HS6ST2: variants seen among roughly 807,000 people sequenced by gnomAD.
HS6ST2 encodes the protein heparan-sulfate 6-O-sulfotransferase 2.
HS6ST2 carries 17 observed loss-of-function variants against 33.0 expected under a neutral mutation model. The ratio of observed to expected loss-of-function variants is 0.52; its 90% CI spans 0.35 to 0.77. The LOEUF is 0.77. Among genes scored for constraint, HS6ST2 ranks in the 30% least tolerant of loss-of-function variants. HS6ST2 has a pLI of 0.01. For synonymous variants in HS6ST2, 248 were observed against 237.1 expected (o/e 1.05, Z -0.42); for missense variants, 519 against 551.7 (o/e 0.94, Z 0.59).
intron 2 of HS6ST2, among the ~76,000 whole-genome samples, chrX:132,854,211 C>T (rs1311215683): frequency 8.9e-6 from 1 of 112,291 alleles, no homozygotes; most frequent in Non-Finnish European, 1.9e-5. Flanking sequence ...AGACTGCCAT[C>T]TTCATGATCC....
rs192345002 is a variant in HS6ST2, at chrX:132,753,151, C to A, written c.948-44657G>T. Among the ~76,000 whole-genome samples, 7 of 111,905 alleles carry A rather than the reference C, an allele frequency of 6.3e-5. No homozygotes were observed. The East Asian group carries it at 2.0e-3, about 32-fold the overall frequency. On this transcript the variant is annotated intron_variant, in intron 2 of 4. Coordinates refer to ENST00000370833, the MANE Select transcript of HS6ST2 (RefSeq NM_001394073.1). ...CTATACTCTGTTTCTGTGGCTTAGG[C>A]TTCCAACCACTGCCTCTTCTCTTCA...
At chrX:132,645,031 G>A (rs1351299334) in intron 4 of HS6ST2, among the ~76,000 whole-genome samples, 2 of 111,377 alleles carry the variant, frequency 1.8e-5, no homozygotes, top group African/African-American at 3.3e-5. Context: ...GGGAGACCTC[G>A]GCCCTCCAAG....
At chrX:132,739,566 T>C (rs2064546606) in intron 2 of HS6ST2, among the ~76,000 whole-genome samples, 1 of 109,576 alleles carries the variant, frequency 9.1e-6, no homozygotes, top group African/African-American at 3.3e-5. Flanking sequence ...AATACAAAAA[T>C]TAGTCAGGTG....
chrX:132,641,471 T>C (rs917895125), intron 4 of HS6ST2, among the ~76,000 whole-genome samples: 3 of 112,657 alleles, frequency 2.7e-5, no homozygotes, highest in African/African-American at 9.7e-5. Context: ...GTTCCTGCAT[T>C]AATTCGCTTA....
At chrX:132,727,343 T>C (rs2064404715) in intron 2 of HS6ST2, among the ~76,000 whole-genome samples, 1 of 110,822 alleles carries the variant, frequency 9.0e-6, no homozygotes, top group South Asian at 3.9e-4. Flanking sequence ...GCTTAGGCGC[T>C]TGGAATTCAA....
At chrX:132,787,157 A>G (rs1481974650) in intron 2 of HS6ST2, among the ~76,000 whole-genome samples, 1 of 59,638 alleles carries the variant, frequency 1.7e-5, no homozygotes, top group Non-Finnish European at 3.0e-5. Context: ...GTGTGTGTGT[A>G]TATATATATG....
intron 2 of HS6ST2, among the ~76,000 whole-genome samples, chrX:132,811,685 A>ATATATATATAT (rs2065345840): frequency 6.7e-5 from 2 of 29,814 alleles, no homozygotes; most frequent in East Asian, 1.5e-3. Context: ...AAGGCTGAAT[A>ATATATATATAT]ATATATATAT....
At chrX:132,763,274 A>T (rs183103856) in intron 2 of HS6ST2, among the ~76,000 whole-genome samples, 1 of 112,454 alleles carries the variant, frequency 8.9e-6, no homozygotes, top group African/African-American at 3.2e-5. Flanking sequence ...TGTAGTGTCT[A>T]TCTATTTCCC....
chrX:132,646,649 G>C (rs145515090), intron 4 of HS6ST2, among the ~76,000 whole-genome samples: 8 of 111,275 alleles, frequency 7.2e-5, no homozygotes, highest in African/African-American at 2.6e-4. Flanking sequence ...CATCTAGTTG[G>C]AACACCGTGC....
intron 3 of HS6ST2, among the ~76,000 whole-genome samples, chrX:132,705,218 C>T (rs868641799): frequency 3.4e-5 from 3 of 88,467 alleles, no homozygotes; most frequent in Non-Finnish European, 4.6e-5. Flanking sequence ...TGTGTGTGTA[C>T]GTGTGGAAAA....
chrX:132,723,063 A>G (rs964161962), intron 2 of HS6ST2, among the ~76,000 whole-genome samples: 50 of 111,606 alleles, frequency 4.5e-4, no homozygotes, highest in African/African-American at 1.6e-3. Context: ...ATGCCAAAAA[A>G]TTGGAAAATC....
At chrX:132,948,667 G>C (rs2066979223) in intron 2 of HS6ST2, among the ~76,000 whole-genome samples, 1 of 112,182 alleles carries the variant, frequency 8.9e-6, no homozygotes, top group Middle Eastern at 4.2e-3. Flanking sequence ...TAGTAAATGA[G>C]AAAAGCTCTT....
rs186573124 is a variant in HS6ST2, at chrX:132,907,781, G to A, written c.947+49027C>T. On this transcript the variant is annotated intron_variant, in intron 2 of 4. Transcript: ENST00000370833. ...CATATTCAAAAATTAACTTGAAATC[G>A]ATCGGAGACAGAAATGTAAGAGCTA... Among the ~76,000 whole-genome samples the A allele has an allele frequency of 4.5e-5, 5 of 112,343 alleles. No homozygotes were observed. The East Asian group carries it at 1.4e-3, about 31-fold the overall frequency.
chrX:132,726,791 C>T (rs1326164919), intron 2 of HS6ST2, among the ~76,000 whole-genome samples: 2 of 111,695 alleles, frequency 1.8e-5, no homozygotes, highest in Non-Finnish European at 3.8e-5. Flanking sequence ...TTTTTTTTCA[C>T]TCACATAATG....
chrX:132,667,226 C>G (rs1162173913), intron 4 of HS6ST2, among the ~76,000 whole-genome samples: 1 of 111,520 alleles, frequency 9.0e-6, no homozygotes, highest in Non-Finnish European at 1.9e-5. Context: ...TGCAAGAAAC[C>G]CTGGCACACA....
intron 2 of HS6ST2, among the ~76,000 whole-genome samples, chrX:132,731,808 C>T (rs911386892): frequency 9.1e-6 from 1 of 109,986 alleles, no homozygotes; most frequent in Middle Eastern, 4.2e-3. Context: ...GATCGCGCCA[C>T]TGCACTCCAG....
intron 2 of HS6ST2, among the ~76,000 whole-genome samples, chrX:132,852,056 C>T (rs763437180): frequency 4.8e-4 from 53 of 111,299 alleles, no homozygotes; most frequent in Admixed American, 8.6e-4. Flanking sequence ...GAGGGAGGAT[C>T]GCTTGAGCCC....
chrX:132,887,464 AT>A (rs891984141), intron 2 of HS6ST2, among the ~76,000 whole-genome samples: 1 of 112,465 alleles, frequency 8.9e-6, no homozygotes, highest in Non-Finnish European at 1.9e-5. Context: ...ACCACTGTAC[AT>A]TCACTAGAGT....
At chrX:132,667,119 T>C (rs2063815705) in intron 4 of HS6ST2, among the ~76,000 whole-genome samples, 1 of 111,315 alleles carries the variant, frequency 9.0e-6, no homozygotes, top group African/African-American at 3.3e-5. Context: ...CTGCTCCTGT[T>C]GAAAATGATA....
Sources: gnomAD v4.1 joint callset for allele counts (sites outside exome capture counted in the v4.1 genomes callset) on GRCh38, gnomAD v4.1.1 for gene constraint, MANE v1.5 for transcripts, NCBI Gene and HGNC (gene_info 2026-07-23, HGNC 2026-07-21) for gene names.